The following C9 variants were observed in gnomAD, a reference collection of about 807,000 sequenced individuals.
C9 encodes complement C9.
Under a neutral mutation model 65.4 loss-of-function variants are expected in C9, and 63 were observed. The observed-to-expected ratio is 0.96, with a 90% CI of 0.79 to 1.19. The LOEUF (loss-of-function observed/expected upper bound fraction) is 1.19, where lower values mean the gene tolerates loss of function less well. C9 is among the 50% of genes most tolerant of loss of function. C9 has a pLI of 0.00. For synonymous variants in C9, 229 were observed against 227.9 expected (o/e 1.00, Z -0.04); for missense variants, 744 against 670.1 (o/e 1.11, Z -1.22).
Position 39,285,036 on chromosome 5 carries a change from T to TA in C9, c.*162_*163insT, listed in dbSNP as rs1257882255. ...TCACAGGAGTTTAAGGAAGAAAAATTTAAAAAAAAATTATAGACCTAAGAG... is the reference window on the plus strand; with the variant it reads ...TCACAGGAGTTTAAGGAAGAAAAATTATAAAAAAAAATTATAGACCTAAGAG... On this transcript the variant is annotated 3_prime_UTR_variant, in exon 11 of 11. Coordinates refer to ENST00000263408, the MANE Select transcript of C9 (RefSeq NM_001737.5). The TA allele has an allele frequency of 3.0e-3, 1,720 of 573,010 alleles. No individual in the cohort carries two copies. Among genetic ancestry groups the TA allele is most frequent in the South Asian group, 4.3e-3 (186 of 43,618 alleles). 35.5% of individuals were successfully genotyped at this position (573,010 alleles called of 1,614,324 possible). A position where few individuals can be genotyped will look rare whatever the true frequency, so the allele number is the denominator to read the frequency against.
At chr5:39,302,657 T>C (rs1490696625) in intron 9 of C9, among the ~76,000 whole-genome samples, 1 of 152,024 alleles carries the variant, frequency 6.6e-6, no homozygotes, top group Admixed American at 6.6e-5. Flanking sequence ...GCTTAACATA[T>C]AGACATATGA....
Position 39,299,652 on chromosome 5 carries a change from T to C in C9, c.1416+6965A>G, listed in dbSNP as rs931192077. On this transcript the variant is annotated intron_variant, in intron 9 of 10. Coordinates refer to ENST00000263408, the MANE Select transcript of C9 (RefSeq NM_001737.5). ...ATGGCAGTAAATAGATCAGTGGTTA[T>C]GTAGAAGTGGGGCAGGAAAGAGGAG... Among the ~76,000 whole-genome samples the C allele has an allele frequency of 3.9e-5, 6 of 152,142 alleles. No individual in the cohort carries two copies. The East Asian group carries it at 7.7e-4, about 20-fold the overall frequency.
At chr5:39,307,922 G>A (rs890226558) in intron 8 of C9, among the ~76,000 whole-genome samples, 4 of 152,086 alleles carry the variant, frequency 2.6e-5, no homozygotes, top group Non-Finnish European at 5.9e-5. Flanking sequence ...AAATTAGGGT[G>A]AAGAAAGGAA....
chr5:39,303,804 G>A (rs2111870244), intron 9 of C9, among the ~76,000 whole-genome samples: 1 of 152,064 alleles, frequency 6.6e-6, no homozygotes, highest in Non-Finnish European at 1.5e-5. Flanking sequence ...GCATCCCAAA[G>A]ATAGTCATGC....
At chr5:39,312,955 T>C (rs1753511694) in intron 6 of C9, among the ~76,000 whole-genome samples, 1 of 152,112 alleles carries the variant, frequency 6.6e-6, no homozygotes, top group Non-Finnish European at 1.5e-5. Flanking sequence ...ATCTCCTGAC[T>C]TGCACAAGAA....
chr5:39,332,888 TA>T (rs1393602148), intron 4 of C9, among the ~76,000 whole-genome samples: 1 of 152,240 alleles, frequency 6.6e-6, no homozygotes, highest in Non-Finnish European at 1.5e-5. Context: ...TTTATATAAA[TA>T]GCACATTTTA....
intron 4 of C9, among the ~76,000 whole-genome samples, chr5:39,333,631 C>A (rs1753888922): frequency 1.3e-5 from 2 of 151,834 alleles, no homozygotes; most frequent in African/African-American, 4.8e-5. Flanking sequence ...TCCCCTCTCC[C>A]TCTCTTTCCA....
At chr5:39,286,146 C>T (rs753429810) in intron 10 of C9, among the ~76,000 whole-genome samples, 35 of 151,964 alleles carry the variant, frequency 2.3e-4, no homozygotes, top group Admixed American at 4.6e-4. Flanking sequence ...ATATGGAACC[C>T]GAACCAAGAA....
At chr5:39,307,370 C>G (rs1343871228) in intron 8 of C9, among the ~76,000 whole-genome samples, 4 of 152,120 alleles carry the variant, frequency 2.6e-5, no homozygotes, top group Admixed American at 1.3e-4. Flanking sequence ...TTTTTGTCAT[C>G]CCCTCTTCAT....
At chr5:39,286,354 T>G (rs1327558598) in intron 10 of C9, among the ~76,000 whole-genome samples, 2 of 152,024 alleles carry the variant, frequency 1.3e-5, no homozygotes, top group Non-Finnish European at 2.9e-5. Context: ...ATTGGTAGAC[T>G]TAGCAGAGAA....
chr5:39,356,036 G>C (rs1754408335), intron 1 of C9, among the ~76,000 whole-genome samples: 2 of 152,192 alleles, frequency 1.3e-5, no homozygotes, highest in Admixed American at 1.3e-4. Context: ...TAGTGGCAGA[G>C]GATGGGGGGA....
intron 4 of C9, among the ~76,000 whole-genome samples, chr5:39,336,246 G>C (rs1753962710): frequency 6.6e-6 from 1 of 151,474 alleles, no homozygotes; most frequent in South Asian, 2.1e-4. Context: ...AGCAGCTTTA[G>C]GTTCACAGCA....
chr5:39,311,266 T>C lies in C9; in HGVS notation c.982A>G (p.Thr328Ala). The C allele has an allele frequency of 1.9e-6, 3 of 1,613,904 alleles. No homozygotes were observed. In the South Asian group the frequency reaches 3.3e-5, roughly 18 times the overall value. ...AAATATTCTCCCTTTTCATAGGTAGTTGGCAAAGCTTTTATATCATCCACA... is the reference window on the plus strand; with the variant it reads ...AAATATTCTCCCTTTTCATAGGTAGCTGGCAAAGCTTTTATATCATCCACA... Reference protein sequence around the residue: ...TFVDDIKALPTTYEKGEYFAF... With the variant: ...TFVDDIKALPATYEKGEYFAF... Residue 328 changes from threonine (T) to alanine (A), a missense_variant, in exon 7 of 11, where the codon ACT (threonine) becomes GCT (alanine). Transcript: ENST00000263408.
At chr5:39,347,057 C>T (rs1754211321) in intron 1 of C9, among the ~76,000 whole-genome samples, 1 of 152,142 alleles carries the variant, frequency 6.6e-6, no homozygotes, top group Admixed American at 6.5e-5. Context: ...AAACCCACAG[C>T]CAATATCATA....
intron 1 of C9, 136 bp downstream of exon 1, chr5:39,364,252 T>C (rs1754575434): frequency 7.5e-6 from 5 of 664,706 alleles, no homozygotes; most frequent in Non-Finnish European, 1.4e-5. Context: ...TCTTATCTCT[T>C]TTCGAAGTTT....
chr5:39,308,467 C>T, intron 7 of C9, 109 bp from the exon 8 acceptor site: 1 of 787,172 alleles, frequency 1.3e-6, no homozygotes, highest in Non-Finnish European at 2.2e-6. Context: ...TCCTATACAC[C>T]ATGACTAAAT....
intron 4 of C9, among the ~76,000 whole-genome samples, chr5:39,336,715 G>A (rs10045677): frequency 0.03 from 4,551 of 152,134 alleles, 210 homozygotes; most frequent in African/African-American, 0.1. Flanking sequence ...ATAGTTGTAA[G>A]TGCTGAGAAG....
chr5:39,349,384 A>G (rs1233333419), intron 1 of C9, among the ~76,000 whole-genome samples: 1 of 152,182 alleles, frequency 6.6e-6, no homozygotes, highest in East Asian at 1.9e-4. Context: ...TGAACAAATC[A>G]TGCACCATCC....
chr5:39,331,683 A>G lies in C9; in HGVS notation c.608T>C (p.Ile203Thr), dbSNP rs1268206225. The G allele has an allele frequency of 2.5e-6, 4 of 1,614,032 alleles. No homozygotes were observed. The highest frequency in any genetic ancestry group is 1.7e-5 in the Admixed American group (1 of 60,026). Residue 203 changes from isoleucine (I) to threonine (T), a missense_variant, in exon 5 of 11, where the codon ATC becomes ACC. Coordinates refer to ENST00000263408, the MANE Select transcript of C9 (RefSeq NM_001737.5). ...TCCTCCGAGGAGACTTACTTCATAG[A>G]TCAAAGAAGCCACGTTCCAAGGTCT... is the stretch of plus-strand genomic sequence containing the variant. ...YRRPWNVASL[I>T]YETKGEKNFR... is the part of the protein sequence containing the mutation.
Sources: gnomAD v4.1 joint callset for allele counts (sites outside exome capture counted in the v4.1 genomes callset) on GRCh38, gnomAD v4.1.1 for gene constraint, MANE v1.5 for transcripts, NCBI Gene and HGNC (gene_info 2026-07-23, HGNC 2026-07-21) for gene names.